Variants in POU2F1 observed in about 807,000 individuals in gnomAD.
The protein encoded by POU2F1 is POU domain, class 2, transcription factor 1.
In POU2F1, 16 loss-of-function variants were observed where a neutral mutation model predicts 84.9. That is an observed-to-expected ratio of 0.19 (90% confidence interval 0.13 to 0.29). POU2F1 has a LOEUF of 0.29. Among genes scored for constraint, POU2F1 ranks in the 10% least tolerant of loss-of-function variants. POU2F1 has a pLI of 1.00. For missense variants in POU2F1, 738 were observed against 942.6 expected, an observed-to-expected ratio of 0.78 and a Z score of 2.84; for synonymous variants, 368 against 368.3, an observed-to-expected ratio of 1.00 and a Z score of 0.01.
chr1:167,398,194 C>CT (rs1397761428), intron 11 of POU2F1, 61 bp downstream of exon 11: 4 of 1,547,688 alleles, frequency 2.6e-6, no homozygotes, highest in Non-Finnish European at 3.5e-6. Context: ...AACATTAGTA[C>CT]TTAGTAGAAA....
rs114441600 is a variant in POU2F1 at position 167,261,237 on chromosome 1, A to G, written c.61+40279A>G. Among the ~76,000 whole-genome samples, 1,064 of 152,300 alleles carry G rather than the reference A, an allele frequency of 7.0e-3. 8 individuals carry two copies. Among genetic ancestry groups the G allele is most frequent in the African/African-American group, 0.024 (1,010 of 41,574 alleles). ...AGTTACAGTTTATTTTTAGAATTTTATTAGGTTTTTTTAAATGGTCACCTT... is the reference window on the plus strand; with the variant it reads ...AGTTACAGTTTATTTTTAGAATTTTGTTAGGTTTTTTTAAATGGTCACCTT... On this transcript the variant is annotated intron_variant, in intron 1 of 15. Coordinates refer to ENST00000367866, the MANE Select transcript of POU2F1 (RefSeq NM_002697.4).
chr1:167,398,676 C>T (rs1345777061), intron 11 of POU2F1, among the ~76,000 whole-genome samples: 1 of 152,162 alleles, frequency 6.6e-6, no homozygotes, highest in Non-Finnish European at 1.5e-5. Context: ...CATAACAAAG[C>T]TTTTAAGAAA....
intron 1 of POU2F1, among the ~76,000 whole-genome samples, chr1:167,311,812 T>TTTA (rs1553206363): frequency 3.7e-3 from 259 of 70,558 alleles, no homozygotes; most frequent in South Asian, 0.012. Flanking sequence ...TTATTTATTT[T>TTTA]TTCTTTTGGA....
intron 9 of POU2F1, among the ~76,000 whole-genome samples, chr1:167,394,886 T>G (rs1394296249): frequency 6.6e-6 from 1 of 152,174 alleles, no homozygotes; most frequent in Non-Finnish European, 1.5e-5. Context: ...GTATTCAATG[T>G]GCTAATAAAA....
chr1:167,328,470 C>T (rs1176724277), intron 1 of POU2F1, among the ~76,000 whole-genome samples: 1 of 152,124 alleles, frequency 6.6e-6, no homozygotes, highest in East Asian at 1.9e-4. Context: ...CTAATTGTTT[C>T]CTTGGGATTA....
chr1:167,402,385 C>G (rs893168858), intron 13 of POU2F1, among the ~76,000 whole-genome samples: 1 of 152,080 alleles, frequency 6.6e-6, no homozygotes, highest in Non-Finnish European at 1.5e-5. Flanking sequence ...GGCTCTATGA[C>G]CTACCCATGA....
At chr1:167,356,062 C>T (rs1658912191) in intron 2 of POU2F1, among the ~76,000 whole-genome samples, 1 of 151,962 alleles carries the variant, frequency 6.6e-6, no homozygotes, top group South Asian at 2.1e-4. Flanking sequence ...GATCCTCCCA[C>T]CTCAGCCTCC....
chr1:167,241,719 C>T (rs975559058), intron 1 of POU2F1: 1 of 152,202 alleles, frequency 6.6e-6, no homozygotes, highest in African/African-American at 2.4e-5. Context: ...TAATGTTTTA[C>T]ATGAATTGTC....
intron 1 of POU2F1, among the ~76,000 whole-genome samples, chr1:167,309,030 T>G (rs1395558041): frequency 6.6e-6 from 1 of 152,138 alleles, no homozygotes; most frequent in Non-Finnish European, 1.5e-5. Context: ...ATTTGGCTAA[T>G]GGGAATGCCT....
chr1:167,387,346 G>A, intron 8 of POU2F1: 1 of 401,064 alleles, frequency 2.5e-6, no homozygotes, highest in South Asian at 1.8e-5. Context: ...ACCTGTAACT[G>A]TCAACCAGTT....
chr1:167,414,508 T>G (rs1453055019), intron 15 of POU2F1: 4 of 985,256 alleles, frequency 4.1e-6, no homozygotes, highest in African/African-American at 3.5e-5. Flanking sequence ...ATCCCTCAAA[T>G]CTACATGTAG....
chr1:167,342,001 T>A (rs986915485), intron 2 of POU2F1, among the ~76,000 whole-genome samples: 9 of 152,212 alleles, frequency 5.9e-5, no homozygotes, highest in African/African-American at 2.2e-4. Context: ...TTCTCTTCTC[T>A]CTGCCACACC....
chr1:167,404,127 A>C (rs1053610432), intron 13 of POU2F1, among the ~76,000 whole-genome samples: 1 of 151,998 alleles, frequency 6.6e-6, no homozygotes, highest in Non-Finnish European at 1.5e-5. Flanking sequence ...ATTGGCCTTC[A>C]GCAAGCATTT....
intron 1 of POU2F1, among the ~76,000 whole-genome samples, chr1:167,275,032 AT>A (rs11413742): frequency 0.02 from 2,249 of 112,372 alleles, 40 homozygotes; most frequent in African/African-American, 0.061. Context: ...AAATAAATGT[AT>A]TTTTTTTTTT....
intron 1 of POU2F1, among the ~76,000 whole-genome samples, chr1:167,294,274 G>A (rs533520939): frequency 1.3e-4 from 20 of 151,636 alleles, no homozygotes; most frequent in Non-Finnish European, 2.9e-5. Flanking sequence ...ATGTGAACCC[G>A]GGAGGCGGAT....
chr1:167,410,715 C>T (rs559410465), intron 13 of POU2F1, among the ~76,000 whole-genome samples: 5 of 151,900 alleles, frequency 3.3e-5, no homozygotes, highest in Admixed American at 6.6e-5. Flanking sequence ...GGGGTTTCAC[C>T]ACATTGGCCA....
At position 167,426,264 on chromosome 1, in the gene POU2F1, G is replaced by A. The variant is rs960580613; in HGVS notation, c.*10454G>A. 9.9e-5 allele frequency: 15 copies of A among 151,958 alleles called. No individual in the cohort carries two copies. Among genetic ancestry groups the A allele is most frequent in the African/African-American group, 3.6e-4 (15 of 41,378 alleles). 9.4% of individuals were successfully genotyped at this position (151,958 alleles called of 1,614,324 possible). The stretch of plus-strand genomic sequence containing the variant: ...AAAAAAAAATGTCGTTTAACTTCTT[G>A]TTTGTTTCAGTGTAATGCTCTTAAA... On this transcript the variant is annotated 3_prime_UTR_variant, in exon 16 of 16. Transcript: ENST00000367866.
At chr1:167,302,108 C>T (rs902046862) in intron 1 of POU2F1, among the ~76,000 whole-genome samples, 6 of 151,974 alleles carry the variant, frequency 3.9e-5, no homozygotes, top group Non-Finnish European at 8.8e-5. Flanking sequence ...TGCTCTGTCA[C>T]CCAGGCAGGC....
intron 1 of POU2F1, among the ~76,000 whole-genome samples, chr1:167,291,608 C>G (rs1345712187): frequency 6.6e-6 from 1 of 151,986 alleles, no homozygotes; most frequent in Non-Finnish European, 1.5e-5. Flanking sequence ...CTGATGTTCT[C>G]TAAGTTAAAG....
Sources: allele counts gnomAD v4.1 joint callset (sites outside exome capture counted in the v4.1 genomes callset), GRCh38; gene constraint gnomAD v4.1.1; transcripts MANE v1.5; gene names NCBI Gene and HGNC (gene_info 2026-07-23, HGNC 2026-07-21).